Variants in CNTNAP5 observed in about 807,000 individuals in gnomAD.
CNTNAP5 encodes contactin-associated protein-like 5.
In CNTNAP5, 72 loss-of-function variants were observed where a neutral mutation model predicts 150.2. The ratio of observed to expected loss-of-function variants is 0.48; its 90% CI spans 0.40 to 0.58. The LOEUF is 0.58. Among genes scored for constraint, CNTNAP5 ranks in the 20% least tolerant of loss-of-function variants. The pLI is 0.00. For synonymous variants in CNTNAP5, 672 were observed against 619.8 expected, an observed-to-expected ratio of 1.08 and a Z score of -1.25; for missense variants, 1,636 against 1,626.2, an observed-to-expected ratio of 1.01 and a Z score of -0.10.
intron 12 of CNTNAP5, among the ~76,000 whole-genome samples, chr2:124,619,842 CATATATATATATATATATATATAT>C (rs58774096): frequency 3.0e-5 from 3 of 98,474 alleles, no homozygotes; most frequent in Non-Finnish European, 3.6e-5. Flanking sequence ...CTGTCTCATT[CATATATATATATATATATATATAT>C]ATATATATAT....
intron 3 of CNTNAP5, among the ~76,000 whole-genome samples, chr2:124,410,321 G>A (rs375864353): frequency 0.045 from 6,852 of 151,044 alleles, 170 homozygotes; most frequent in Non-Finnish European, 0.052. Context: ...ACAGATCAAC[G>A]AGACAGAAAG....
chr2:124,690,429 A>G (rs1173238187), intron 13 of CNTNAP5, among the ~76,000 whole-genome samples: 1 of 152,084 alleles, frequency 6.6e-6, no homozygotes, highest in Non-Finnish European at 1.5e-5. Context: ...TTTTTCCCCA[A>G]ATCACCACCA....
At chr2:124,543,338 T>C (rs975550068) in intron 10 of CNTNAP5, among the ~76,000 whole-genome samples, 2 of 152,106 alleles carry the variant, frequency 1.3e-5, no homozygotes, top group African/African-American at 4.8e-5. Context: ...AGCTCTGTAA[T>C]AGAAGGCAGC....
chr2:124,356,438 C>G (rs1573937503), intron 3 of CNTNAP5, among the ~76,000 whole-genome samples: 3 of 146,696 alleles, frequency 2.0e-5, no homozygotes, highest in East Asian at 4.1e-4. Flanking sequence ...GGTATATCTC[C>G]CAATGCTATC....
chr2:124,106,881 T>C (rs142775995), intron 1 of CNTNAP5, among the ~76,000 whole-genome samples: 1 of 151,906 alleles, frequency 6.6e-6, no homozygotes, highest in Non-Finnish European at 1.5e-5. Flanking sequence ...TCCAGGTAGA[T>C]ACTGTCAGAA....
rs937734370 is a variant in CNTNAP5 at position 124,897,938 on chromosome 2, T to A, written c.3437-4944T>A. Among the ~76,000 whole-genome samples, 6 of 4,198 alleles carry A rather than the reference T, an allele frequency of 1.4e-3. No individual in the cohort carries two copies. The Non-Finnish European group carries it at 0.017, about 12-fold the overall frequency. The allele number at this position is 4,198 out of a possible 152,430, so 2.8% of individuals were successfully genotyped here. A position where few individuals can be genotyped will look rare whatever the true frequency, so the allele number is the denominator to read the frequency against. ...ATAAAAGCAGTAAGCAAATGCCAAG[T>A]GTGTGTGTGTGTGTGTGTGTGTGTG... On this transcript the variant is annotated intron_variant, in intron 21 of 23. Coordinates refer to ENST00000682447, the MANE Select transcript of CNTNAP5 (RefSeq NM_001367498.1).
intron 18 of CNTNAP5, among the ~76,000 whole-genome samples, chr2:124,797,075 A>T (rs939303324): frequency 6.6e-6 from 1 of 152,206 alleles, no homozygotes; most frequent in Non-Finnish European, 1.5e-5. Context: ...CAACTCTCTT[A>T]AGTGCTTTAC....
intron 3 of CNTNAP5, among the ~76,000 whole-genome samples, chr2:124,311,408 G>A (rs375729507): frequency 6.6e-6 from 1 of 152,104 alleles, no homozygotes; most frequent in Non-Finnish European, 1.5e-5. Flanking sequence ...GTCCTTGGAT[G>A]GAGGAAGGAA....
chr2:124,529,976 A>G (rs1558941695), intron 10 of CNTNAP5, among the ~76,000 whole-genome samples: 2 of 152,150 alleles, frequency 1.3e-5, no homozygotes. Context: ...CTTAAACGGT[A>G]TTAGTGCTAG....
intron 3 of CNTNAP5, among the ~76,000 whole-genome samples, chr2:124,388,629 T>C (rs1690996105): frequency 6.6e-6 from 1 of 152,144 alleles, no homozygotes. Flanking sequence ...TTCACTTGTG[T>C]GAATATTTGC....
intron 1 of CNTNAP5, among the ~76,000 whole-genome samples, chr2:124,057,111 G>A (rs575364022): frequency 6.6e-6 from 1 of 152,138 alleles, no homozygotes; most frequent in South Asian, 2.1e-4. Flanking sequence ...TCACAATTGG[G>A]AAGGACCCAG....
chr2:124,630,764 A>G (rs999278814), intron 12 of CNTNAP5, among the ~76,000 whole-genome samples: 3 of 152,110 alleles, frequency 2.0e-5, no homozygotes, highest in African/African-American at 7.2e-5. Context: ...GGGTATTCAA[A>G]TAGGAACAGA....
chr2:124,687,595 G>A (rs1679217793), intron 13 of CNTNAP5, among the ~76,000 whole-genome samples: 1 of 140,888 alleles, frequency 7.1e-6, no homozygotes, highest in Admixed American at 6.8e-5. Context: ...GTAATCACAG[G>A]AAGCAACTTC....
intron 3 of CNTNAP5, among the ~76,000 whole-genome samples, chr2:124,282,048 T>C (rs1688027221): frequency 6.6e-6 from 1 of 152,062 alleles, no homozygotes; most frequent in African/African-American, 2.4e-5. Flanking sequence ...GATGCAAAGA[T>C]CCAAGGCAAT....
At chr2:124,067,625 A>G (rs1682193815) in intron 1 of CNTNAP5, among the ~76,000 whole-genome samples, 1 of 152,216 alleles carries the variant, frequency 6.6e-6, no homozygotes, top group Non-Finnish European at 1.5e-5. Flanking sequence ...GAGCATGAGT[A>G]ACTTTTTTTT....
At chr2:124,510,259 A>ATATATCTGTATATC (rs1694529235) in intron 8 of CNTNAP5, among the ~76,000 whole-genome samples, 1 of 127,388 alleles carries the variant, frequency 7.9e-6, no homozygotes, top group African/African-American at 3.1e-5. Context: ...ATCTATATCT[A>ATATATCTGTATATC]TATATCTATA....
intron 13 of CNTNAP5, among the ~76,000 whole-genome samples, chr2:124,689,865 G>A (rs1170491258): frequency 6.6e-5 from 10 of 151,956 alleles, no homozygotes; most frequent in Non-Finnish European, 2.9e-5. Context: ...CTCCCATTTT[G>A]CCTGTGTGCC....
chr2:124,096,797 G>A (rs955474722), intron 1 of CNTNAP5, among the ~76,000 whole-genome samples: 4 of 151,860 alleles, frequency 2.6e-5, no homozygotes, highest in Admixed American at 6.6e-5. Flanking sequence ...TCCATCTCCC[G>A]GGTTCTAGCA....
rs4848926 is a variant in CNTNAP5 at position 124,261,591 on chromosome 2, C to T, written c.381+19198C>T. Among the ~76,000 whole-genome samples the T allele has an allele frequency of 3.3e-3, 509 of 152,296 alleles. 8 individuals are homozygous for T. Among genetic ancestry groups the T allele is most frequent in the East Asian group, 0.032 (163 of 5,168 alleles). ...GCCTCATTATGTCCTGAATTCCCAG[C>T]GTCCAGGTGGGTGGCAGTGGGAGCC... On this transcript the variant is annotated intron_variant, in intron 3 of 23. Transcript: ENST00000682447.
Sources: allele counts gnomAD v4.1 joint callset (sites outside exome capture counted in the v4.1 genomes callset), GRCh38; gene constraint gnomAD v4.1.1; transcripts MANE v1.5; gene names NCBI Gene and HGNC (gene_info 2026-07-23, HGNC 2026-07-21).